Variants in SLC25A30 observed in about 807,000 individuals in gnomAD.
SLC25A30 encodes kidney mitochondrial carrier protein 1.
In SLC25A30, 29 loss-of-function variants were observed where a neutral mutation model predicts 42.7. The ratio of observed to expected loss-of-function variants is 0.68; its 90% CI spans 0.51 to 0.93. SLC25A30 has a LOEUF of 0.93. Ranked by LOEUF, SLC25A30 falls within the 40% of genes least tolerant of loss-of-function variation. The pLI is 0.00. For synonymous variants in SLC25A30, 124 were observed against 131.0 expected (o/e 0.95, Z 0.37); for missense variants, 300 against 359.7 (o/e 0.83, Z 1.34).
chr13:45,401,227 A>G lies in SLC25A30; in HGVS notation c.490-20T>C. On this transcript the variant is annotated intron_variant, in intron 6 of 9. Transcript: ENST00000519676. ...CACACCCTGGGTAAAAATATTAACA[A>G]TAAAAATGATTCTGATATGCCTCTG... The G allele has an allele frequency of 6.2e-7, 1 of 1,613,036 alleles. No homozygotes were observed. The highest frequency in any genetic ancestry group is 8.5e-7 in the Non-Finnish European group (1 of 1,179,368).
Position 45,395,531 on chromosome 13 carries a change from A to G in SLC25A30, c.*443T>C. ...ATTTCTTCAGTTGACAAGGAGCAAA[A>G]TCTCCCAGAAATTCAGAAACCATAA... On this transcript the variant is annotated 3_prime_UTR_variant, in exon 10 of 10. Transcript: ENST00000519676. 1 of 1,051,396 alleles carries G rather than the reference A, an allele frequency of 9.5e-7. No individual in the cohort carries two copies. The highest frequency in any genetic ancestry group is 1.2e-6 in the Non-Finnish European group (1 of 868,770). 65.1% of individuals were successfully genotyped at this position (1,051,396 alleles called of 1,614,324 possible). A position where few individuals can be genotyped will look rare whatever the true frequency, so the allele number is the denominator to read the frequency against.
the SLC25A30 span, among the ~76,000 whole-genome samples, chr13:45,430,067 A>C: frequency 6.6e-6 from 1 of 152,062 alleles, no homozygotes; most frequent in South Asian, 2.1e-4. Flanking sequence ...TTTTTTTTTA[A>C]TGAAGGCAAC....
At chr13:45,417,738 GC>G (rs1389867365) in intron 1 of SLC25A30, among the ~76,000 whole-genome samples, 1 of 152,208 alleles carries the variant, frequency 6.6e-6, no homozygotes, top group Admixed American at 6.5e-5. Flanking sequence ...GAACAAAAAT[GC>G]TAATCACTGC....
chr13:45,429,646 C>T, the SLC25A30 span, among the ~76,000 whole-genome samples: 2 of 151,564 alleles, frequency 1.3e-5, no homozygotes, highest in Admixed American at 1.3e-4. Flanking sequence ...GTCTGGGCAA[C>T]ATGGAGAGAC....
Position 45,395,964 on chromosome 13 carries a change from C to T in SLC25A30, c.*10G>A. 6.2e-7 allele frequency: 1 copy of T among 1,614,178 alleles called. No individual in the cohort carries two copies. The highest frequency in any genetic ancestry group is 1.1e-5 in the South Asian group (1 of 91,086). Reference sequence around the variant, plus strand: ...ATTTTCAGAAAGATGTCTCATGCAGCCTTGGCTTGTCACAAATCCAATTTC... The same window carrying T: ...ATTTTCAGAAAGATGTCTCATGCAGTCTTGGCTTGTCACAAATCCAATTTC... On this transcript the variant is annotated 3_prime_UTR_variant, in exon 10 of 10. Transcript: ENST00000519676.
chr13:45,400,691 C>T lies in SLC25A30; in HGVS notation c.614+392G>A, dbSNP rs185438607. ...TTTTAATTTTTTGTAGAAATGGGGC[C>T]TCATTTTGTTGCCCAAGCTGGTCTT... On this transcript the variant is annotated intron_variant, in intron 7 of 9. Coordinates refer to ENST00000519676, the MANE Select transcript of SLC25A30 (RefSeq NM_001010875.4). Among the ~76,000 whole-genome samples the T allele has an allele frequency of 2.9e-3, 448 of 152,038 alleles. 1 individual carries two copies. Among genetic ancestry groups the T allele is most frequent in the Non-Finnish European group, 5.4e-3 (366 of 67,984 alleles).
intron 7 of SLC25A30, 109 bp downstream of exon 7, chr13:45,400,974 G>A (rs1480716530): frequency 1.1e-5 from 10 of 947,640 alleles, no homozygotes; most frequent in Admixed American, 2.8e-5. Context: ...CTTCTACCTG[G>A]TCCTGCTTCA....
Position 45,394,219 on chromosome 13 carries a change from T to C in SLC25A30, c.*1755A>G, listed in dbSNP as rs1046111657. 8 of 985,100 alleles carry C rather than the reference T, an allele frequency of 8.1e-6. No homozygotes were observed. Among genetic ancestry groups the C allele is most frequent in the Non-Finnish European group, 9.6e-6 (8 of 829,882 alleles). The allele number at this position is 985,100 out of a possible 1,614,324, so 61.0% of individuals were successfully genotyped here. On this transcript the variant is annotated 3_prime_UTR_variant, in exon 10 of 10. Coordinates refer to ENST00000519676, the MANE Select transcript of SLC25A30 (RefSeq NM_001010875.4). The stretch of plus-strand genomic sequence containing the variant: ...GGACTTTCATCTGAGTCTCAGCAAT[T>C]AACAGGTAACCCTACCCCACTGCAC...
the SLC25A30 span, among the ~76,000 whole-genome samples, chr13:45,424,427 AT>A: frequency 8.2e-3 from 472 of 57,342 alleles, 15 homozygotes; most frequent in African/African-American, 0.032. Flanking sequence ...AAATATATGA[AT>A]ATATATATAA....
chr13:45,406,088 AT>A (rs34513916), intron 3 of SLC25A30, 111 bp from the exon 4 acceptor site: 112,952 of 713,328 alleles, frequency 0.16, 6,037 homozygotes, highest in African/African-American at 0.37. Flanking sequence ...CTCTAAAACA[AT>A]TTTTTTTTTT....
At position 45,409,090 on chromosome 13, in the gene SLC25A30, G is replaced by T; in HGVS notation, c.65-16C>A. On this transcript the variant is annotated splice_polypyrimidine_tract_variant and intron_variant, in intron 2 of 9. Coordinates refer to ENST00000519676, the MANE Select transcript of SLC25A30 (RefSeq NM_001010875.4). The stretch of plus-strand genomic sequence containing the variant: ...GGAAATGTACCTTAAAATTTAAAAA[G>T]AAATTCACTTAATAAAAAGAAATTC... 1 of 1,577,398 alleles carries T rather than the reference G, an allele frequency of 6.3e-7. No individual in the cohort carries two copies.
intron 1 of SLC25A30, among the ~76,000 whole-genome samples, chr13:45,416,281 G>A (rs1195271726): frequency 2.6e-5 from 4 of 151,714 alleles, no homozygotes; most frequent in South Asian, 2.1e-4. Flanking sequence ...AGTGGTGGGC[G>A]CCTGTAATTC....
chr13:45,431,776 A>T, the SLC25A30 span, among the ~76,000 whole-genome samples: 873 of 152,248 alleles, frequency 5.7e-3, 2 homozygotes, highest in Non-Finnish European at 9.1e-3. Context: ...CTTAGATGTA[A>T]CTAGGCAACT....
chr13:45,423,830 TTATATATATAAATATGTAAA>T, the SLC25A30 span, among the ~76,000 whole-genome samples: 4 of 76,358 alleles, frequency 5.2e-5, no homozygotes, highest in Admixed American at 7.4e-4. Context: ...AAATATATAT[TTATATATATAAATATGTAAA>T]TATATATATA....
Position 45,411,379 on chromosome 13 carries a change from G to C in SLC25A30, c.47C>G (p.Ser16Cys). ...GTCCTTACCGCACTCAGCAGTGATG[G>C]AGGCCAGCCCCCCGTACACAAACGG... ...WKPFVYGGLA[S>C]ITAECGTFPI... is the part of the protein sequence containing the mutation. Residue 16 changes from serine (S) to cysteine (C), a missense_variant, in exon 2 of 10, where the codon TCC (serine) becomes TGC (cysteine). Transcript: ENST00000519676. The C allele has an allele frequency of 6.2e-7, 1 of 1,614,096 alleles. No individual in the cohort carries two copies. Among genetic ancestry groups the C allele is most frequent in the Non-Finnish European group, 8.5e-7 (1 of 1,179,948 alleles).
Position 45,404,399 on chromosome 13 carries a change from C to T in SLC25A30, c.321G>A (p.Pro107=), listed in dbSNP as rs781432444. 36 of 1,611,712 alleles carry T rather than the reference C, an allele frequency of 2.2e-5. No individual in the cohort carries two copies. In the South Asian group the frequency reaches 2.6e-4, roughly 12 times the overall value. The part of the protein sequence containing the change: ...FIERPEDETL[P]INVICGILSG... ...ACAGAATTCCACATATCACATTTAT[C>T]GGTAGAGTTTCATCTGTAAACAATG... Residue 107 remains proline (P), a synonymous_variant, in exon 5 of 10, where the codon CCG becomes CCA. Transcript: ENST00000519676.
chr13:45,394,455 G>A lies in SLC25A30; in HGVS notation c.*1519C>T, dbSNP rs375658091. On this transcript the variant is annotated 3_prime_UTR_variant, in exon 10 of 10. Coordinates refer to ENST00000519676, the MANE Select transcript of SLC25A30 (RefSeq NM_001010875.4). Reference sequence around the variant, plus strand: ...GACTGGCCAGACTGGGAATTTGGCCGCACTACTGTGGAAGGAGAATGCCCT... The same window carrying A: ...GACTGGCCAGACTGGGAATTTGGCCACACTACTGTGGAAGGAGAATGCCCT... 12 of 985,240 alleles carry A rather than the reference G, an allele frequency of 1.2e-5. No homozygotes were observed. Among genetic ancestry groups the A allele is most frequent in the Admixed American group, 1.2e-4 (2 of 16,256 alleles). The allele number at this position is 985,240 out of a possible 1,614,324, so 61.0% of individuals were successfully genotyped here.
intron 1 of SLC25A30, 156 bp from the exon 2 acceptor site, chr13:45,411,636 CT>C (rs1883037307): frequency 1.8e-6 from 1 of 556,808 alleles, no homozygotes; most frequent in Non-Finnish European, 3.2e-6. Context: ...CAAAGCACCC[CT>C]ATTTCCTCAA....
At chr13:45,424,654 T>TAAATATATAGAAATATATAG in the SLC25A30 span, among the ~76,000 whole-genome samples, 243 of 67,752 alleles carry the variant, frequency 3.6e-3, 23 homozygotes, top group African/African-American at 0.013. Flanking sequence ...TAAATATATA[T>TAAATATATAGAAATATATAG]AAATATATAG....
Sources: gnomAD v4.1 joint callset for allele counts (sites outside exome capture counted in the v4.1 genomes callset) on GRCh38, gnomAD v4.1.1 for gene constraint, MANE v1.5 for transcripts, NCBI Gene and HGNC (gene_info 2026-07-23, HGNC 2026-07-21) for gene names.